Variants in CNTN4 observed in about 807,000 individuals in gnomAD.
CNTN4 encodes contactin-4.
Under a neutral mutation model 122.5 loss-of-function variants are expected in CNTN4, and 77 were observed. The observed-to-expected ratio is 0.63, with a 90% CI of 0.52 to 0.76. The LOEUF is 0.76. Ranked by LOEUF, CNTN4 falls within the 30% of genes least tolerant of loss-of-function variation. CNTN4 has a pLI of 0.00. For missense variants in CNTN4, 1,256 were observed against 1,259.1 expected, an observed-to-expected ratio of 1.00 and a Z score of 0.04; for synonymous variants, 512 against 447.0, an observed-to-expected ratio of 1.15 and a Z score of -1.83.
intron 3 of CNTN4, among the ~76,000 whole-genome samples, chr3:2,354,898 C>T (rs1021491010): frequency 2.0e-5 from 3 of 152,172 alleles, no homozygotes; most frequent in Non-Finnish European, 4.4e-5. Flanking sequence ...AATTAAAAGG[C>T]TCCAAGACAG....
At chr3:2,839,660 C>T (rs2093309799) in intron 7 of CNTN4, among the ~76,000 whole-genome samples, 1 of 152,136 alleles carries the variant, frequency 6.6e-6, no homozygotes, top group Non-Finnish European at 1.5e-5. Context: ...GTTGGGAAGA[C>T]CCTGAGGAAG....
chr3:3,049,424 T>G (rs1701031607), intron 23 of CNTN4, among the ~76,000 whole-genome samples: 1 of 152,200 alleles, frequency 6.6e-6, no homozygotes, highest in African/African-American at 2.4e-5. Flanking sequence ...GGTACAGTTA[T>G]TATTGCTAGT....
intron 4 of CNTN4, among the ~76,000 whole-genome samples, chr3:2,580,617 T>G (rs1181808293): frequency 1.3e-5 from 2 of 152,180 alleles, no homozygotes; most frequent in Non-Finnish European, 2.9e-5. Flanking sequence ...GAAACTTTGT[T>G]GGATGATGTA....
At chr3:2,314,398 A>G (rs1394672425) in intron 2 of CNTN4, among the ~76,000 whole-genome samples, 1 of 151,988 alleles carries the variant, frequency 6.6e-6, no homozygotes, top group Non-Finnish European at 1.5e-5. Context: ...GGATTAGACA[A>G]ATGAAAAGGT....
chr3:2,496,648 A>G (rs2076459637), intron 3 of CNTN4, among the ~76,000 whole-genome samples: 1 of 152,162 alleles, frequency 6.6e-6, no homozygotes, highest in Non-Finnish European at 1.5e-5. Flanking sequence ...GGGTTTCAGA[A>G]AAAAGAATAG....
At chr3:2,550,461 A>T (rs1169327151) in intron 3 of CNTN4, among the ~76,000 whole-genome samples, 1 of 152,206 alleles carries the variant, frequency 6.6e-6, no homozygotes, top group African/African-American at 2.4e-5. Flanking sequence ...CAGATGCTGG[A>T]GAGGATGCAG....
intron 2 of CNTN4, among the ~76,000 whole-genome samples, chr3:2,282,129 T>C (rs1056316586): frequency 1.5e-4 from 23 of 152,196 alleles, no homozygotes; most frequent in African/African-American, 5.5e-4. Flanking sequence ...AGGTCATTGA[T>C]ATAAAATTTT....
At chr3:2,352,221 G>A (rs1471060537) in intron 3 of CNTN4, among the ~76,000 whole-genome samples, 4 of 152,168 alleles carry the variant, frequency 2.6e-5, no homozygotes, top group Non-Finnish European at 5.9e-5. Flanking sequence ...AAACGCCGTT[G>A]AGAGGTGACA....
At chr3:2,456,854 G>T (rs2151401413) in intron 3 of CNTN4, among the ~76,000 whole-genome samples, 1 of 152,204 alleles carries the variant, frequency 6.6e-6, no homozygotes, top group African/African-American at 2.4e-5. Context: ...TTTGCTTGAG[G>T]AACTGTTTTC....
intron 2 of CNTN4, among the ~76,000 whole-genome samples, chr3:2,231,537 A>G (rs1408574067): frequency 1.3e-5 from 2 of 152,348 alleles, no homozygotes; most frequent in African/African-American, 4.8e-5. Flanking sequence ...CATCTATGCA[A>G]GGAAATACAT....
At chr3:2,802,039 A>G (rs972129) in intron 6 of CNTN4, among the ~76,000 whole-genome samples, 5 of 152,178 alleles carry the variant, frequency 3.3e-5, no homozygotes, top group African/African-American at 9.7e-5. Context: ...TTATTATTAC[A>G]ACTACTTCTA....
intron 3 of CNTN4, among the ~76,000 whole-genome samples, chr3:2,441,339 C>G (rs544354542): frequency 1.3e-5 from 2 of 152,226 alleles, no homozygotes; most frequent in South Asian, 2.1e-4. Flanking sequence ...CTATGAAGGA[C>G]AGGTATCTTA....
At chr3:2,491,060 A>G (rs1490731652) in intron 3 of CNTN4, among the ~76,000 whole-genome samples, 1 of 152,186 alleles carries the variant, frequency 6.6e-6, no homozygotes, top group Non-Finnish European at 1.5e-5. Context: ...TTCTACATGA[A>G]AGCAACAAAT....
intron 2 of CNTN4, among the ~76,000 whole-genome samples, chr3:2,258,127 G>A (rs571199911): frequency 5.1e-4 from 77 of 152,216 alleles, no homozygotes; most frequent in African/African-American, 1.6e-3. Flanking sequence ...AAATAGGAAC[G>A]CTTTTACACT....
At chr3:2,782,674 GA>G (rs1341885446) in intron 6 of CNTN4, among the ~76,000 whole-genome samples, 2 of 152,104 alleles carry the variant, frequency 1.3e-5, no homozygotes, top group Non-Finnish European at 2.9e-5. Context: ...TTTGGGGATC[GA>G]AAACTAGTAA....
chr3:2,135,794 A>G (rs550594265), intron 2 of CNTN4, among the ~76,000 whole-genome samples: 4 of 152,322 alleles, frequency 2.6e-5, no homozygotes, highest in South Asian at 2.1e-4. Context: ...TGGGGTTACC[A>G]TAAGTATGGA....
intron 6 of CNTN4, among the ~76,000 whole-genome samples, chr3:2,784,375 C>T (rs775531083): frequency 2.8e-4 from 43 of 152,170 alleles, no homozygotes; most frequent in Non-Finnish European, 5.4e-4. Context: ...TTATTGCGCA[C>T]CTCCACATCC....
At chr3:2,351,289 C>T (rs1020980621) in intron 3 of CNTN4, among the ~76,000 whole-genome samples, 1 of 152,054 alleles carries the variant, frequency 6.6e-6, no homozygotes, top group Non-Finnish European at 1.5e-5. Flanking sequence ...ACATCCAGAC[C>T]AAATCTCATT....
Position 2,332,736 on chromosome 3 carries a change from G to A in CNTN4, c.-144-6442G>A, listed in dbSNP as rs554366617. Among the ~76,000 whole-genome samples the A allele has an allele frequency of 2.2e-5, 3 of 135,904 alleles. No homozygotes were observed. In the East Asian group the frequency reaches 6.8e-4, roughly 31 times the overall value. 89.2% of individuals were successfully genotyped at this position (135,904 alleles called of 152,430 possible). A position where few individuals can be genotyped will look rare whatever the true frequency, so the allele number is the denominator to read the frequency against. ...GGGACTGTTGTGGGGTGGGGGGAGT[G>A]GGGAGGGGGGAGGGATAGCTTTAGG... is the stretch of plus-strand genomic sequence containing the variant. On this transcript the variant is annotated intron_variant, in intron 2 of 24. Transcript: ENST00000418658.
Sources: allele counts gnomAD v4.1 joint callset (sites outside exome capture counted in the v4.1 genomes callset), GRCh38; gene constraint gnomAD v4.1.1; transcripts MANE v1.5; gene names NCBI Gene and HGNC (gene_info 2026-07-23, HGNC 2026-07-21).